The following USP34 variants were observed in gnomAD, a reference collection of about 807,000 sequenced individuals.
The protein encoded by USP34 is ubiquitin specific peptidase 34.
In USP34, 70 loss-of-function variants were observed where a neutral mutation model predicts 460.3. The ratio of observed to expected loss-of-function variants is 0.15; its 90% CI spans 0.13 to 0.19. The LOEUF (loss-of-function observed/expected upper bound fraction) is 0.19. Among genes scored for constraint, USP34 ranks in the 10% least tolerant of loss-of-function variants. The pLI, the probability that USP34 is intolerant of heterozygous loss-of-function variation, is 1.00. For synonymous variants in USP34, 1,647 were observed against 1,405.3 expected (o/e 1.17, Z -3.85); for missense variants, 3,985 against 4,236.2 (o/e 0.94, Z 1.65).
At chr2:61,300,761 A>C (rs1690192388) in intron 29 of USP34, among the ~76,000 whole-genome samples, 190 bp downstream of exon 29, 1 of 150,624 alleles carries the variant, frequency 6.6e-6, no homozygotes, top group Non-Finnish European at 1.5e-5. Context: ...GCACCACTGC[A>C]CTCCAGCCTG....
intron 27 of USP34, among the ~76,000 whole-genome samples, chr2:61,305,082 T>C (rs1690360151): frequency 6.6e-6 from 1 of 152,080 alleles, no homozygotes; most frequent in African/African-American, 2.4e-5. Context: ...TCCCAGCACT[T>C]TGGGAGGCCG....
chr2:61,452,853 C>T (rs986640659), intron 1 of USP34, among the ~76,000 whole-genome samples: 6 of 150,202 alleles, frequency 4.0e-5, no homozygotes, highest in East Asian at 2.0e-4. Context: ...CCACTCACTA[C>T]ACTCCAGCCC....
chr2:61,282,789 T>G (rs914573489), intron 37 of USP34, among the ~76,000 whole-genome samples: 1 of 151,916 alleles, frequency 6.6e-6, no homozygotes, highest in Non-Finnish European at 1.5e-5. Flanking sequence ...ACAGGGAGAT[T>G]CTGTCTCAAA....
intron 53 of USP34, among the ~76,000 whole-genome samples, chr2:61,240,516 G>GATCC (rs990818818): frequency 9.2e-4 from 139 of 151,888 alleles, no homozygotes; most frequent in African/African-American, 3.3e-3. Flanking sequence ...CGGACCTCGT[G>GATCC]ATCCGCCCGC....
rs147955731 is a variant in USP34 at position 61,196,792 on chromosome 2, C to T, written c.9509-3812G>A. Among the ~76,000 whole-genome samples, 1,092 of 152,138 alleles carry T rather than the reference C, an allele frequency of 7.2e-3. 14 individuals carry two copies. The highest frequency in any genetic ancestry group is 0.024 in the African/African-American group (984 of 41,504). ...AAGTGATCCAGCTGCCTCGGTTTTA[C>T]GGAGTGCTGGGATTACAGGTGTGAG... On this transcript the variant is annotated intron_variant, in intron 75 of 79. Coordinates refer to ENST00000398571, the MANE Select transcript of USP34 (RefSeq NM_014709.4).
In USP34 at chr2:61,235,860, A is replaced by C; in HGVS notation, c.7017T>G (p.Ser2339Arg). 6.2e-7 allele frequency: 1 copy of C among 1,613,374 alleles called. No homozygotes were observed. Among genetic ancestry groups the C allele is most frequent in the Non-Finnish European group, 8.5e-7 (1 of 1,179,840 alleles). The stretch of plus-strand genomic sequence containing the variant: ...ATCACCTTACCTCACAAGCTGCCTG[A>C]CTATTATTAAACTGTTTCGTCAACA... ...IELLTKQFNN[S>R]QAACEWFLDR... The change falls in exon 57 of 80, where the codon AGT becomes AGG. Residue 2339 changes from serine to arginine, a missense_variant. Ser to Arg is a moderately radical substitution (Grantham distance 110). Coordinates refer to ENST00000398571, the MANE Select transcript of USP34 (RefSeq NM_014709.4).
intron 8 of USP34, among the ~76,000 whole-genome samples, chr2:61,377,855 T>C (rs976694215): frequency 4.6e-5 from 7 of 152,126 alleles, no homozygotes; most frequent in East Asian, 1.9e-4. Context: ...CTGTGACAAA[T>C]AGTACTATAT....
At chr2:61,212,071 C>G in intron 68 of USP34, 142 bp from the exon 69 acceptor site, 1 of 1,168,974 alleles carries the variant, frequency 8.6e-7, no homozygotes, top group Non-Finnish European at 1.1e-6. Context: ...GTTATAAAAT[C>G]AGTAACAAAT....
chr2:61,466,636 G>A (rs1695771500), intron 1 of USP34, among the ~76,000 whole-genome samples: 3 of 152,016 alleles, frequency 2.0e-5, no homozygotes, highest in South Asian at 2.1e-4. Flanking sequence ...TTTAGGCCAG[G>A]CATGCTGGCT....
At chr2:61,386,345 A>G (rs1693144562) in intron 5 of USP34, among the ~76,000 whole-genome samples, 2 of 152,216 alleles carry the variant, frequency 1.3e-5, no homozygotes, top group South Asian at 2.1e-4. Context: ...TGTTAGGAAC[A>G]CTGGATATCT....
At chr2:61,230,140 A>T (rs557164194) in intron 58 of USP34, among the ~76,000 whole-genome samples, 1 of 152,354 alleles carries the variant, frequency 6.6e-6, no homozygotes, top group African/African-American at 2.4e-5. Context: ...TAGGATGGCT[A>T]AAATAAAAGA....
chr2:61,343,473 T>C (rs1239962488), intron 16 of USP34, among the ~76,000 whole-genome samples: 1 of 152,234 alleles, frequency 6.6e-6, no homozygotes, highest in Non-Finnish European at 1.5e-5. Flanking sequence ...TTTTATCTTT[T>C]GTGATTTCCT....
chr2:61,436,042 A>T (rs188063089), intron 1 of USP34, among the ~76,000 whole-genome samples: 3 of 152,166 alleles, frequency 2.0e-5, no homozygotes, highest in East Asian at 1.9e-4. Flanking sequence ...AATATATATA[A>T]AAAATAGAAG....
chr2:61,298,168 C>A (rs768636517), intron 29 of USP34, among the ~76,000 whole-genome samples: 1 of 151,424 alleles, frequency 6.6e-6, no homozygotes, highest in Non-Finnish European at 1.5e-5. Flanking sequence ...CTCATCAGGG[C>A]CAAACCTATC....
chr2:61,418,470 G>A (rs954797557), intron 2 of USP34, among the ~76,000 whole-genome samples: 6 of 152,080 alleles, frequency 3.9e-5, no homozygotes, highest in African/African-American at 9.7e-5. Context: ...ATAATCTTAC[G>A]AAAGCTTTTT....
rs556074707 is a variant in USP34 at position 61,411,533 on chromosome 2, G to A, written c.132-5405C>T. Among the ~76,000 whole-genome samples, 9 of 152,200 alleles carry A rather than the reference G, an allele frequency of 5.9e-5. No homozygotes were observed. The East Asian group carries it at 1.7e-3, about 29-fold the overall frequency. Reference sequence around the variant, plus strand: ...AGATTGAAATATACTTCTTTTAAATGTCTTTTTATAGCTCTTACCAAGTTT... The same window carrying A: ...AGATTGAAATATACTTCTTTTAAATATCTTTTTATAGCTCTTACCAAGTTT... On this transcript the variant is annotated intron_variant, in intron 2 of 79. Transcript: ENST00000398571.
At chr2:61,462,604 T>C (rs889611212) in intron 1 of USP34, among the ~76,000 whole-genome samples, 6 of 150,288 alleles carry the variant, frequency 4.0e-5, no homozygotes, top group Admixed American at 6.6e-5. Context: ...TCACACCCTG[T>C]AATCCCAGCA....
intron 20 of USP34, among the ~76,000 whole-genome samples, chr2:61,329,237 G>A (rs1472316371): frequency 6.6e-6 from 1 of 151,878 alleles, no homozygotes; most frequent in Non-Finnish European, 1.5e-5. Flanking sequence ...TGTTGGTCAG[G>A]CTGGTCCGGA....
At chr2:61,312,175 A>AT (rs889206830) in intron 25 of USP34, among the ~76,000 whole-genome samples, 3 of 151,922 alleles carry the variant, frequency 2.0e-5, no homozygotes, top group Non-Finnish European at 2.9e-5. Context: ...CCAGTTTATT[A>AT]TTTTTTTAAT....
Sources: allele counts gnomAD v4.1 joint callset (sites outside exome capture counted in the v4.1 genomes callset), GRCh38; gene constraint gnomAD v4.1.1; transcripts MANE v1.5; gene names NCBI Gene and HGNC (gene_info 2026-07-23, HGNC 2026-07-21).